ELP3: variants seen among roughly 807,000 people sequenced by gnomAD.
ELP3 encodes the protein elongator complex protein 3.
Under a neutral mutation model 74.9 loss-of-function variants are expected in ELP3, and 56 were observed. That is an observed-to-expected ratio of 0.75 (90% CI 0.60 to 0.93). The LOEUF is 0.93. Ranked by LOEUF, ELP3 falls within the 40% of genes least tolerant of loss-of-function variation. The pLI is 0.00. For missense variants in ELP3, 573 were observed against 686.5 expected (o/e 0.83, Z 1.85); for synonymous variants, 222 against 239.8 (o/e 0.93, Z 0.68).
chr8:28,099,093 A>G lies in ELP3; in HGVS notation c.120-735A>G, dbSNP rs370039497. 5.9e-5 allele frequency among the ~76,000 whole-genome samples: 9 copies of G among 152,384 alleles called. 1 individual carries two copies. In the East Asian group the frequency reaches 1.5e-3, roughly 26 times the overall value. ...CTTGTACGTGTTAGGTCCTCAGTTA[A>G]TATTTGTTGACAAATATGTGAGCAC... On this transcript the variant is annotated intron_variant, in intron 2 of 14. Coordinates refer to ENST00000256398, the MANE Select transcript of ELP3 (RefSeq NM_018091.6).
intron 14 of ELP3, among the ~76,000 whole-genome samples, chr8:28,188,358 AGGGG>A (rs77073386): frequency 0.43 from 64,757 of 151,846 alleles, 15,198 homozygotes; most frequent in Middle Eastern, 0.57. Flanking sequence ...CAGGGGTTCA[AGGGG>A]CATCTTTTGT....
intron 7 of ELP3, chr8:28,129,292 T>A: frequency 1.1e-5 from 6 of 534,374 alleles, no homozygotes; most frequent in South Asian, 4.9e-5. Context: ...ATTTTGCAGT[T>A]AAAGGAACCG....
chr8:28,162,531 T>C (rs1386920612), intron 14 of ELP3, among the ~76,000 whole-genome samples: 1 of 152,212 alleles, frequency 6.6e-6, no homozygotes, highest in African/African-American at 2.4e-5. Flanking sequence ...TTGTTCTCAG[T>C]AACTTCAATC....
At chr8:28,170,109 G>A (rs142243852) in intron 14 of ELP3, among the ~76,000 whole-genome samples, 2 of 152,296 alleles carry the variant, frequency 1.3e-5, no homozygotes, top group East Asian at 3.9e-4. Context: ...AACTTTGGGG[G>A]TCATTTTAGA....
Position 28,176,182 on chromosome 8 carries a change from C to A in ELP3, c.1568-13467C>A, listed in dbSNP as rs1488917507. ...GTGTTCTTCATTGTGTGTGTAGTCA[C>A]TGAAATTTCTGTTCTTATCTCTATG... On this transcript the variant is annotated intron_variant, in intron 14 of 14. Coordinates refer to ENST00000256398, the MANE Select transcript of ELP3 (RefSeq NM_018091.6). Among the ~76,000 whole-genome samples the A allele has an allele frequency of 2.6e-5, 4 of 152,222 alleles. 1 individual carries two copies. The highest frequency in any genetic ancestry group is 2.6e-4 in the Admixed American group (4 of 15,288).
At chr8:28,141,369 A>C (rs960603579) in intron 10 of ELP3, among the ~76,000 whole-genome samples, 11 of 152,192 alleles carry the variant, frequency 7.2e-5, no homozygotes, top group African/African-American at 2.7e-4. Flanking sequence ...CTAAAACATA[A>C]CTGGCCCGTA....
At chr8:28,181,292 T>C (rs1005631006) in intron 14 of ELP3, among the ~76,000 whole-genome samples, 3 of 152,254 alleles carry the variant, frequency 2.0e-5, no homozygotes, top group Non-Finnish European at 2.9e-5. Context: ...GCTTCCATCA[T>C]TGAACCTTCT....
intron 1 of ELP3, among the ~76,000 whole-genome samples, chr8:28,094,865 G>A (rs1178769119): frequency 6.6e-6 from 1 of 152,198 alleles, no homozygotes; most frequent in Non-Finnish European, 1.5e-5. Context: ...CCTTTCAAGA[G>A]CCATTTGAGT....
rs1813663249 is a variant in ELP3 at position 28,152,110 on chromosome 8, A to G, written c.1101-3832A>G. The stretch of plus-strand genomic sequence containing the variant: ...CTGGTCTCTGTTCTGGGAAGCCACA[A>G]CTCCCTCTATTTGCCTCTCTGTCTC... On this transcript the variant is annotated intron_variant, in intron 10 of 14. Coordinates refer to ENST00000256398, the MANE Select transcript of ELP3 (RefSeq NM_018091.6). 2.0e-5 allele frequency among the ~76,000 whole-genome samples: 3 copies of G among 151,346 alleles called. No homozygotes were observed. In the South Asian group the frequency reaches 6.3e-4, roughly 32 times the overall value.
At chr8:28,134,026 A>G (rs568341409) in intron 9 of ELP3, among the ~76,000 whole-genome samples, 4 of 152,272 alleles carry the variant, frequency 2.6e-5, no homozygotes, top group African/African-American at 9.6e-5. Flanking sequence ...ACATAGGTAT[A>G]CATGTGCCAC....
chr8:28,115,412 A>G (rs536728251), intron 7 of ELP3, among the ~76,000 whole-genome samples: 2 of 152,336 alleles, frequency 1.3e-5, no homozygotes, highest in East Asian at 3.9e-4. Flanking sequence ...ATACACACAC[A>G]CATATCTGTA....
intron 7 of ELP3, among the ~76,000 whole-genome samples, chr8:28,115,143 A>G (rs1265371209): frequency 2.0e-5 from 3 of 152,144 alleles, no homozygotes; most frequent in African/African-American, 4.8e-5. Context: ...GAGAAAATCA[A>G]GAGTTCTGTT....
At chr8:28,090,350 C>T, upstream of ELP3, 1 of 373,930 alleles carries the variant, frequency 2.7e-6, no homozygotes, top group South Asian at 2.1e-5. Flanking sequence ...TAGTGCCCAA[C>T]TCTGGAGCCC....
chr8:28,114,872 C>T (rs756340644), intron 7 of ELP3, among the ~76,000 whole-genome samples: 1 of 152,122 alleles, frequency 6.6e-6, no homozygotes, highest in African/African-American at 2.4e-5. Context: ...AGGGTCATTC[C>T]GGCTACTGTC....
intron 5 of ELP3, among the ~76,000 whole-genome samples, chr8:28,109,183 T>G (rs901407858): frequency 3.3e-5 from 5 of 152,150 alleles, no homozygotes; most frequent in Admixed American, 2.6e-4. Context: ...TTAGGTTTTT[T>G]GAAAGATCAT....
chr8:28,101,845 C>A (rs887740515), intron 3 of ELP3, among the ~76,000 whole-genome samples: 6 of 152,216 alleles, frequency 3.9e-5, no homozygotes, highest in Non-Finnish European at 7.3e-5. Context: ...CCGCCTCAGC[C>A]TCCCAAAGTG....
intron 8 of ELP3, 22 bp from the exon 9 acceptor site, chr8:28,132,256 G>A: frequency 6.2e-7 from 1 of 1,613,616 alleles, no homozygotes; most frequent in Non-Finnish European, 8.5e-7. Context: ...GATTTTCACA[G>A]GTAGTGATTT....
At chr8:28,142,650 G>A (rs961231920) in intron 10 of ELP3, among the ~76,000 whole-genome samples, 2 of 152,172 alleles carry the variant, frequency 1.3e-5, no homozygotes, top group Non-Finnish European at 2.9e-5. Flanking sequence ...TAAGGCCATT[G>A]GTGAAGAGAG....
At chr8:28,100,472 G>A (rs949475646) in intron 3 of ELP3, among the ~76,000 whole-genome samples, 1 of 152,202 alleles carries the variant, frequency 6.6e-6, no homozygotes, top group African/African-American at 2.4e-5. Flanking sequence ...ATGGGAGCAA[G>A]GACACAGGGG....
Sources: gnomAD v4.1 joint callset for allele counts (sites outside exome capture counted in the v4.1 genomes callset) on GRCh38, gnomAD v4.1.1 for gene constraint, MANE v1.5 for transcripts, NCBI Gene and HGNC (gene_info 2026-07-23, HGNC 2026-07-21) for gene names.